The following HELLS variants were observed in gnomAD, a reference collection of about 807,000 sequenced individuals.
HELLS encodes helicase, lymphoid specific, also known as lymphoid-specific helicase.
Under a neutral mutation model 120.0 loss-of-function variants are expected in HELLS, and 32 were observed. The ratio of observed to expected loss-of-function variants is 0.27; its 90% CI spans 0.20 to 0.36. HELLS has a LOEUF of 0.36. Ranked by LOEUF, HELLS falls within the 10% of genes least tolerant of loss-of-function variation. HELLS has a pLI of 1.00. For synonymous variants in HELLS, 341 were observed against 323.4 expected, an observed-to-expected ratio of 1.05 and a Z score of -0.58; for missense variants, 650 against 993.4, an observed-to-expected ratio of 0.65 and a Z score of 4.65.
At chr10:94,567,870 C>T (rs776948492) in intron 6 of HELLS, among the ~76,000 whole-genome samples, 5 of 150,314 alleles carry the variant, frequency 3.3e-5, no homozygotes, top group Non-Finnish European at 7.4e-5. Flanking sequence ...GATTGCGCCA[C>T]TGCACTGCAG....
intron 7 of HELLS, 47 bp downstream of exon 7, chr10:94,571,476 C>G: frequency 7.2e-7 from 1 of 1,390,176 alleles, no homozygotes; most frequent in Non-Finnish European, 1.0e-6. Context: ...CATATTTACT[C>G]CTCAGTTACT....
At chr10:94,603,931 G>A (rs1047051103), downstream of HELLS, among the ~76,000 whole-genome samples, 1 of 151,904 alleles carries the variant, frequency 6.6e-6, no homozygotes, top group Non-Finnish European at 1.5e-5. Context: ...GGGTTCAAGC[G>A]ATTCTCCTAC....
At chr10:94,546,290 C>A (rs1389539320) in intron 1 of HELLS, 87 bp from the exon 2 acceptor site, 3 of 1,529,820 alleles carry the variant, frequency 2.0e-6, no homozygotes, top group Non-Finnish European at 2.7e-6. Flanking sequence ...CAGTGCATCT[C>A]GGGTGGGAGA....
rs1339432508 is a variant in HELLS, at chr10:94,570,043, A to G, written c.436-1345A>G. On this transcript the variant is annotated intron_variant, in intron 6 of 21. Coordinates refer to ENST00000348459, the MANE Select transcript of HELLS (RefSeq NM_018063.5). ...AAGGTGTTTTTTTATTTTTTTTTTT[A>G]TTTTTATTTTTTTTTGGGAGACAAG... The G allele has an allele frequency of 2.1e-5, 3 of 141,878 alleles. No individual in the cohort carries two copies. In the East Asian group the frequency reaches 6.2e-4, roughly 29 times the overall value. 8.8% of individuals were successfully genotyped at this position (141,878 alleles called of 1,614,324 possible).
chr10:94,581,286 A>G (rs1160105944), intron 10 of HELLS, 40 bp from the exon 11 acceptor site: 4 of 1,267,448 alleles, frequency 3.2e-6, no homozygotes, highest in South Asian at 3.1e-5. Flanking sequence ...AAATTGTGAG[A>G]TCATTGTTTA....
intron 6 of HELLS, among the ~76,000 whole-genome samples, chr10:94,567,506 C>T (rs1424407804): frequency 6.6e-6 from 1 of 152,126 alleles, no homozygotes; most frequent in Non-Finnish European, 1.5e-5. Context: ...CCATGTTGGT[C>T]AGGCTGGTCT....
chr10:94,609,531 G>A (rs559662888), intron 9 of HELLS, among the ~76,000 whole-genome samples: 1 of 152,134 alleles, frequency 6.6e-6, no homozygotes, highest in Non-Finnish European at 1.5e-5. Context: ...GAAATACATC[G>A]TAAGAGAATC....
At chr10:94,609,512 AC>A (rs1203217117) in intron 9 of HELLS, among the ~76,000 whole-genome samples, 1 of 152,212 alleles carries the variant, frequency 6.6e-6, no homozygotes, top group Non-Finnish European at 1.5e-5. Flanking sequence ...GATTTCTCTT[AC>A]TGTAGATGAA....
At chr10:94,598,901 A>C (rs1189498047) in intron 21 of HELLS, among the ~76,000 whole-genome samples, 1 of 152,106 alleles carries the variant, frequency 6.6e-6, no homozygotes, top group Non-Finnish European at 1.5e-5. Context: ...TGTCAATATT[A>C]ATTTGTTAAA....
intron 7 of HELLS, 80 bp from the exon 8 acceptor site, chr10:94,573,880 G>C (rs1400315813): frequency 3.9e-6 from 3 of 768,136 alleles, no homozygotes; most frequent in Non-Finnish European, 6.6e-6. Flanking sequence ...AGTAGATTTT[G>C]TTAGTTGCAT....
In HELLS at chr10:94,580,117, GTATATATATATATATATATATATATATA is replaced by G. The variant is rs58984411; in HGVS notation, c.1033-1190_1033-1163del. ...TTTCTCTCACATACCCATTATAAAA[GTATATATATATATATATATATATATATA>G]TATATATATATATATATACACACAC... On this transcript the variant is annotated intron_variant, in intron 10 of 21. Transcript: ENST00000348459. Among the ~76,000 whole-genome samples the G allele has an allele frequency of 9.8e-3, 639 of 65,506 alleles. 25 individuals are homozygous for G. Among genetic ancestry groups the G allele is most frequent in the African/African-American group, 0.031 (542 of 17,580 alleles). The allele number at this position is 65,506 out of a possible 152,430, so 43.0% of individuals were successfully genotyped here.
intron 12 of HELLS, among the ~76,000 whole-genome samples, chr10:94,583,495 A>G (rs979031006): frequency 1.3e-5 from 2 of 152,164 alleles, no homozygotes; most frequent in Non-Finnish European, 2.9e-5. Flanking sequence ...TATGGGCCTG[A>G]AAAGCTTCTC....
At chr10:94,565,352 G>A (rs1316420120) in intron 6 of HELLS, among the ~76,000 whole-genome samples, 1 of 150,568 alleles carries the variant, frequency 6.6e-6, no homozygotes, top group African/African-American at 2.4e-5. Flanking sequence ...ACAAAGTTAG[G>A]GTCCACTGAA....
chr10:94,563,432 T>G (rs985637809), intron 6 of HELLS, among the ~76,000 whole-genome samples: 1 of 152,040 alleles, frequency 6.6e-6, no homozygotes, highest in African/African-American at 2.4e-5. Context: ...CTTTAGGTTG[T>G]TCTGGTTTTC....
intron 8 of HELLS, among the ~76,000 whole-genome samples, chr10:94,607,336 C>A (rs1846140051): frequency 6.6e-6 from 1 of 152,158 alleles, no homozygotes; most frequent in Admixed American, 6.5e-5. Context: ...TTCCCAAAAT[C>A]TTGCTTTGCC....
At chr10:94,547,555 A>G (rs1842798236) in intron 2 of HELLS, among the ~76,000 whole-genome samples, 1 of 152,182 alleles carries the variant, frequency 6.6e-6, no homozygotes, top group South Asian at 2.1e-4. Context: ...GGAGTCATGC[A>G]TTGTTTTGAA....
intron 11 of HELLS, among the ~76,000 whole-genome samples, chr10:94,582,492 A>AAC (rs1202176723): frequency 2.0e-5 from 3 of 152,094 alleles, no homozygotes; most frequent in Admixed American, 6.6e-5. Flanking sequence ...TGCTCATTGT[A>AAC]ATATATATAT....
At chr10:94,610,603 T>TC (rs1181452160) in exon 10 of HELLS, 1 of 151,496 alleles carries the variant, frequency 6.6e-6, no homozygotes, top group Admixed American at 6.6e-5. Flanking sequence ...TTTTTTTTTT[T>TC]CTCAGATGGA....
chr10:94,588,203 T>G (rs1302619368), intron 12 of HELLS, 26 bp from the exon 13 acceptor site: 1 of 1,430,388 alleles, frequency 7.0e-7, no homozygotes, highest in Non-Finnish European at 9.7e-7. Context: ...AATACTCATA[T>G]TTTTCTGTTC....
Sources: allele counts gnomAD v4.1 joint callset (sites outside exome capture counted in the v4.1 genomes callset), GRCh38; gene constraint gnomAD v4.1.1; transcripts MANE v1.5; gene names NCBI Gene and HGNC (gene_info 2026-07-23, HGNC 2026-07-21).